OSBPL1A: variants seen among roughly 807,000 people sequenced by gnomAD.
OSBPL1A encodes oxysterol-binding protein-related protein 1.
OSBPL1A carries 80 observed loss-of-function variants against 137.1 expected under a neutral mutation model. The observed-to-expected ratio is 0.58, with a 90% CI of 0.49 to 0.70. The LOEUF (loss-of-function observed/expected upper bound fraction) is 0.70. Ranked by LOEUF, OSBPL1A falls within the 30% of genes least tolerant of loss-of-function variation. The pLI is 0.00. For synonymous variants in OSBPL1A, 365 were observed against 389.7 expected, an observed-to-expected ratio of 0.94 and a Z score of 0.75; for missense variants, 970 against 1,129.4, an observed-to-expected ratio of 0.86 and a Z score of 2.02.
chr18:24,175,113 T>TATATATATATATATAC (rs1567920030), intron 21 of OSBPL1A, among the ~76,000 whole-genome samples: 10 of 15,766 alleles, frequency 6.3e-4, no homozygotes, highest in Non-Finnish European at 2.1e-3. Context: ...TGTATGTATA[T>TATATATATATATATAC]ATATATATAT....
chr18:24,335,444 C>G (rs765154353), intron 5 of OSBPL1A, among the ~76,000 whole-genome samples: 36 of 152,180 alleles, frequency 2.4e-4, no homozygotes, highest in Admixed American at 1.4e-3. Context: ...CACTACGCTT[C>G]CTCTGAAGTC....
At chr18:24,321,002 T>C (rs1176973888) in intron 7 of OSBPL1A, among the ~76,000 whole-genome samples, 2 of 129,808 alleles carry the variant, frequency 1.5e-5, no homozygotes. Context: ...CACTCCAGCC[T>C]GGGGAACAAG....
chr18:24,252,363 C>T (rs138078244), intron 15 of OSBPL1A, among the ~76,000 whole-genome samples: 4 of 152,192 alleles, frequency 2.6e-5, no homozygotes, highest in African/African-American at 7.2e-5. Context: ...AGCTCCAATA[C>T]GTCTGGCAGC....
At chr18:24,243,896 G>T (rs532429909) in intron 15 of OSBPL1A, among the ~76,000 whole-genome samples, 3 of 152,184 alleles carry the variant, frequency 2.0e-5, no homozygotes, top group African/African-American at 7.2e-5. Flanking sequence ...CACAGAAAAT[G>T]CACTGGTAAT....
chr18:24,298,677 AC>A (rs1327128671), intron 14 of OSBPL1A, among the ~76,000 whole-genome samples: 1 of 152,016 alleles, frequency 6.6e-6, no homozygotes, highest in Non-Finnish European at 1.5e-5. Flanking sequence ...AGATCCAAGA[AC>A]CCTCTCTTAG....
rs992179564 is a variant in OSBPL1A at position 24,167,581 on chromosome 18, T to C, written c.2419-136A>G. ...CCCTAAGGTTATAGCGGAGCATGTA[T>C]AGAAATCTGCTATATGGCATTTGAT... On this transcript the variant is annotated intron_variant, in intron 24 of 27. Coordinates refer to ENST00000319481, the MANE Select transcript of OSBPL1A (RefSeq NM_080597.4). 1.7e-4 allele frequency: 124 copies of C among 714,474 alleles called. 1 individual carries two copies. The highest frequency in any genetic ancestry group is 5.9e-4 in the South Asian group (34 of 58,058). 44.3% of individuals were successfully genotyped at this position (714,474 alleles called of 1,614,324 possible). A position where few individuals can be genotyped will look rare whatever the true frequency, so the allele number is the denominator to read the frequency against.
intron 16 of OSBPL1A, among the ~76,000 whole-genome samples, chr18:24,233,580 G>A (rs771875790): frequency 1.2e-4 from 19 of 152,108 alleles, no homozygotes; most frequent in East Asian, 1.9e-4. Context: ...TCTGTGCTAC[G>A]TACTTCAGGG....
intron 14 of OSBPL1A, among the ~76,000 whole-genome samples, chr18:24,282,203 AAAC>A (rs1855536066): frequency 6.6e-6 from 1 of 152,208 alleles, no homozygotes; most frequent in African/African-American, 2.4e-5. Flanking sequence ...TACAGGAATT[AAAC>A]AACAGGGTAA....
chr18:24,253,253 T>C (rs939654038), intron 15 of OSBPL1A, among the ~76,000 whole-genome samples: 4 of 140,872 alleles, frequency 2.8e-5, no homozygotes, highest in African/African-American at 7.8e-5. Context: ...AAGGTACACA[T>C]AGAGTGAAAA....
At chr18:24,233,619 TTTTC>T (rs1194430099) in intron 16 of OSBPL1A, among the ~76,000 whole-genome samples, 1 of 152,236 alleles carries the variant, frequency 6.6e-6, no homozygotes, top group African/African-American at 2.4e-5. Flanking sequence ...CCTATTATAT[TTTTC>T]TTTCTTTCTT....
rs953174710 is a variant in OSBPL1A at position 24,173,935 on chromosome 18, A to G, written c.2094-1452T>C. Among the ~76,000 whole-genome samples, 7 of 152,278 alleles carry G rather than the reference A, an allele frequency of 4.6e-5. No individual in the cohort carries two copies. The East Asian group carries it at 1.2e-3, about 25-fold the overall frequency. ...ATCTCCAACTCACTCCTTATCCCCA[A>G]CAACTGATCTGTTCTCCATTGCAAT... On this transcript the variant is annotated intron_variant, in intron 21 of 27. Transcript: ENST00000319481.
In OSBPL1A at chr18:24,326,643, T is replaced by TCCTAACAGTTCTCTGGTTC. The variant is rs756482316; in HGVS notation, c.625+6280_625+6298dup. Among the ~76,000 whole-genome samples, 302 of 152,368 alleles carry TCCTAACAGTTCTCTGGTTC rather than the reference T, an allele frequency of 2.0e-3. 3 individuals carry two copies. Among genetic ancestry groups the TCCTAACAGTTCTCTGGTTC allele is most frequent in the Middle Eastern group, 3.4e-3 (1 of 294 alleles). On this transcript the variant is annotated intron_variant, in intron 7 of 27. Coordinates refer to ENST00000319481, the MANE Select transcript of OSBPL1A (RefSeq NM_080597.4). ...AGACACACAAGGCAGCCATCTGGGT[T>TCCTAACAGTTCTCTGGTTC]CCTAACAGTTCTCTGGTTCCCAGTT...
intron 16 of OSBPL1A, among the ~76,000 whole-genome samples, chr18:24,234,531 G>GGA (rs5823418): frequency 3.3e-5 from 5 of 152,050 alleles, no homozygotes; most frequent in Admixed American, 6.6e-5. Flanking sequence ...TCCCAGGGGG[G>GGA]ACGCCAGGGG....
At chr18:24,263,478 A>G (rs1661904338) in intron 15 of OSBPL1A, among the ~76,000 whole-genome samples, 1 of 152,204 alleles carries the variant, frequency 6.6e-6, no homozygotes, top group South Asian at 2.1e-4. Flanking sequence ...TATAGTTAGG[A>G]TGACTCATAT....
chr18:24,236,020 T>G (rs551907635), intron 16 of OSBPL1A, among the ~76,000 whole-genome samples: 1 of 151,984 alleles, frequency 6.6e-6, no homozygotes, highest in African/African-American at 2.4e-5. Context: ...TGCAGGCAGG[T>G]CCCTAGAAGC....
chr18:24,183,429 CTTTTTCT>C (rs2086661565), intron 18 of OSBPL1A, among the ~76,000 whole-genome samples: 1 of 149,904 alleles, frequency 6.7e-6, no homozygotes, highest in Non-Finnish European at 1.5e-5. Flanking sequence ...TTTTCTTTTT[CTTTTTCT>C]TTTTTTTTTT....
intron 14 of OSBPL1A, chr18:24,301,210 C>G (rs2090394295): frequency 6.6e-6 from 1 of 152,158 alleles, no homozygotes; most frequent in South Asian, 2.1e-4. Context: ...TTACGCATAT[C>G]TCTAAACAAT....
chr18:24,267,430 G>A (rs2089606117), intron 15 of OSBPL1A, among the ~76,000 whole-genome samples: 1 of 151,886 alleles, frequency 6.6e-6, no homozygotes, highest in South Asian at 2.1e-4. Flanking sequence ...CACTTTATGA[G>A]GTCAGTATAA....
intron 18 of OSBPL1A, chr18:24,195,923 CA>C: frequency 2.1e-6 from 1 of 484,300 alleles, no homozygotes; most frequent in Non-Finnish European, 3.7e-6. Flanking sequence ...TTTTTTACAT[CA>C]AAAATGCACA....
Sources: allele counts gnomAD v4.1 joint callset (sites outside exome capture counted in the v4.1 genomes callset), GRCh38; gene constraint gnomAD v4.1.1; transcripts MANE v1.5; gene names NCBI Gene and HGNC (gene_info 2026-07-23, HGNC 2026-07-21).